Variants in MCF2 observed in about 807,000 individuals in gnomAD.
MCF2 encodes proto-oncogene DBL.
In MCF2, 44 loss-of-function variants were observed where a neutral mutation model predicts 82.5. The observed-to-expected ratio is 0.53, with a 90% CI of 0.42 to 0.69. MCF2 has a LOEUF of 0.69. Among genes scored for constraint, MCF2 ranks in the 30% least tolerant of loss-of-function variants. MCF2 has a pLI of 0.00. For synonymous variants in MCF2, 217 were observed against 224.9 expected (o/e 0.96, Z 0.32); for missense variants, 623 against 663.1 (o/e 0.94, Z 0.66).
rs951628122 is a variant in MCF2, at chrX:139,689,712, C to T, written c.-45+18394G>A. Among the ~76,000 whole-genome samples the T allele has an allele frequency of 4.6e-5, 5 of 109,402 alleles. No individual in the cohort carries two copies. In the East Asian group the frequency reaches 1.5e-3, roughly 32 times the overall value. On this transcript the variant is annotated intron_variant, in intron 1 of 27. Transcript: ENST00000414978. ...ATCCCTACCACGTTCAATCCCCACCCGCTGTCCAGCTGGACATTTGTGTGC... is the reference window on the plus strand; with the variant it reads ...ATCCCTACCACGTTCAATCCCCACCTGCTGTCCAGCTGGACATTTGTGTGC...
chrX:139,691,997 C>T (rs1935280960), intron 1 of MCF2: 1 of 1,166,129 alleles, frequency 8.6e-7, no homozygotes. Flanking sequence ...GGGCCATGGC[C>T]ATGTCCACCT....
chrX:139,694,594 A>G (rs1935343900), intron 1 of MCF2, among the ~76,000 whole-genome samples: 1 of 111,804 alleles, frequency 8.9e-6, no homozygotes, highest in Non-Finnish European at 1.9e-5. Flanking sequence ...AGACAATTCA[A>G]TGGAGAAAGA....
At chrX:139,591,073 A>G (rs1189928511) in intron 19 of MCF2, among the ~76,000 whole-genome samples, 2 of 111,411 alleles carry the variant, frequency 1.8e-5, no homozygotes, top group Non-Finnish European at 3.8e-5. Context: ...TTGTTTCATT[A>G]CATGGTTTTG....
chrX:139,658,667 G>GTTTT (rs1182070757), intron 1 of MCF2, among the ~76,000 whole-genome samples: 42 of 56,602 alleles, frequency 7.4e-4, no homozygotes, highest in African/African-American at 1.4e-3. Flanking sequence ...AAAAAGATGT[G>GTTTT]TTTTTTTTTT....
At chrX:139,611,695 C>T (rs1353366016) in intron 10 of MCF2, among the ~76,000 whole-genome samples, 1 of 111,591 alleles carries the variant, frequency 9.0e-6, no homozygotes, top group African/African-American at 3.3e-5. Flanking sequence ...CCTTACAGAG[C>T]TTAGTTTAGC....
chrX:139,615,062 G>A lies in MCF2; in HGVS notation c.1192-10C>T, dbSNP rs375873840. 5 of 1,176,089 alleles carry A rather than the reference G, an allele frequency of 4.3e-6. No individual in the cohort carries two copies. In the African/African-American group the frequency reaches 8.9e-5, roughly 21 times the overall value. On this transcript the variant is annotated splice_polypyrimidine_tract_variant and intron_variant, in intron 9 of 24. Coordinates refer to ENST00000370576, the Ensembl canonical transcript of MCF2. ...TAGTCTTCATTTGAACCTGCGAGTT[G>A]TATAAGAATTATAGGAAATATTTTA... is the stretch of plus-strand genomic sequence containing the variant.
chrX:139,674,852 G>A lies in MCF2; in HGVS notation c.-44-23064C>T, dbSNP rs1934818878. Among the ~76,000 whole-genome samples, 3 of 111,752 alleles carry A rather than the reference G, an allele frequency of 2.7e-5. No individual in the cohort carries two copies. The Admixed American group carries it at 2.8e-4, about 11-fold the overall frequency. On this transcript the variant is annotated intron_variant, in intron 1 of 27. Coordinates refer to the MCF2 transcript ENST00000414978. ...CTTTGTGGTGTTCTCTGTATTTCCT[G>A]AATTTGAATGTTGGCCTGCCTTGCT...
chrX:139,615,069 A>T lies in MCF2; in HGVS notation c.1192-17T>A, dbSNP rs746026519. 8.7e-7 allele frequency: 1 copy of T among 1,153,506 alleles called. No individual in the cohort carries two copies. Among genetic ancestry groups the T allele is most frequent in the African/African-American group, 1.8e-5 (1 of 55,940 alleles). On this transcript the variant is annotated splice_polypyrimidine_tract_variant and intron_variant, in intron 9 of 24. Transcript: ENST00000370576. ...CATTTGAACCTGCGAGTTGTATAAGAATTATAGGAAATATTTTATGAAATG... is the reference window on the plus strand; with the variant it reads ...CATTTGAACCTGCGAGTTGTATAAGTATTATAGGAAATATTTTATGAAATG...
intron 1 of MCF2, among the ~76,000 whole-genome samples, chrX:139,658,802 A>G (rs780887137): frequency 2.8e-4 from 30 of 106,905 alleles, no homozygotes; most frequent in Non-Finnish European, 4.4e-4. Context: ...CAGCCTCCCA[A>G]GTAACTGGGA....
chrX:139,590,460 G>A (rs1332340625), intron 19 of MCF2, among the ~76,000 whole-genome samples: 1 of 106,801 alleles, frequency 9.4e-6, no homozygotes, highest in Admixed American at 1.0e-4. Context: ...CCAATCCCTT[G>A]GCCTTTCTAA....
At chrX:139,695,164 G>A (rs1935357725) in intron 1 of MCF2, among the ~76,000 whole-genome samples, 1 of 109,169 alleles carries the variant, frequency 9.2e-6, no homozygotes, top group Non-Finnish European at 1.9e-5. Context: ...CTGAGTAGCT[G>A]GGATTACAGG....
At chrX:139,625,345 C>G (rs1932701080) in intron 6 of MCF2, among the ~76,000 whole-genome samples, 1 of 111,600 alleles carries the variant, frequency 9.0e-6, no homozygotes, top group Non-Finnish European at 1.9e-5. Context: ...CCTAGAAGGA[C>G]CAAGAGCAAC....
intron 19 of MCF2, among the ~76,000 whole-genome samples, chrX:139,590,661 G>A (rs1457566722): frequency 2.7e-5 from 3 of 109,929 alleles, no homozygotes; most frequent in Admixed American, 9.8e-5. Flanking sequence ...ATTGCATTTT[G>A]GGCAATCTCA....
chrX:139,706,724 AT>A (rs978229910), intron 1 of MCF2, among the ~76,000 whole-genome samples: 5 of 110,690 alleles, frequency 4.5e-5, no homozygotes, highest in African/African-American at 9.8e-5. Context: ...TTGAAAAAAA[AT>A]GAAACAAAAT....
intron 18 of MCF2, 53 bp downstream of exon 22, chrX:139,597,407 G>A: frequency 1.1e-6 from 1 of 950,335 alleles, no homozygotes; most frequent in Non-Finnish European, 1.5e-6. Flanking sequence ...GGGGAAAAGG[G>A]ATGTTGAGAT....
chrX:139,607,820 G>T, intron 11 of MCF2, 41 bp from the exon 16 acceptor site: 1 of 944,825 alleles, frequency 1.1e-6, no homozygotes, highest in Non-Finnish European at 1.5e-6. Flanking sequence ...CACCTCTGTA[G>T]GTATAATTTT....
At chrX:139,676,895 G>T (rs1412172525) in intron 1 of MCF2, among the ~76,000 whole-genome samples, 1 of 111,710 alleles carries the variant, frequency 9.0e-6, no homozygotes, top group African/African-American at 3.3e-5. Flanking sequence ...CACCAGGAAT[G>T]TCAGGCAACC....
chrX:139,702,270 G>T (rs772610940), intron 1 of MCF2: 2 of 111,928 alleles, frequency 1.8e-5, no homozygotes, highest in Admixed American at 1.9e-4. Context: ...AACCCTTTAC[G>T]TCTTTTTTTC....
At chrX:139,598,558 C>A in intron 16 of MCF2, 60 bp from the exon 21 acceptor site, 1 of 622,624 alleles carries the variant, frequency 1.6e-6, no homozygotes, top group South Asian at 3.0e-5. Flanking sequence ...GTGAAAATGC[C>A]AAGTGTTCAT....
Sources: gnomAD v4.1 joint callset for allele counts (sites outside exome capture counted in the v4.1 genomes callset) on GRCh38, gnomAD v4.1.1 for gene constraint, MANE v1.5 for transcripts, NCBI Gene and HGNC (gene_info 2026-07-23, HGNC 2026-07-21) for gene names.